The following GRB10 variants were observed in gnomAD, a reference collection of about 807,000 sequenced individuals.
The protein encoded by GRB10 is growth factor receptor bound protein 10, also known as growth factor receptor-bound protein 10.
GRB10 carries 20 observed loss-of-function variants against 80.9 expected under a neutral mutation model. The observed-to-expected ratio is 0.25, with a 90% CI of 0.17 to 0.36. The LOEUF (loss-of-function observed/expected upper bound fraction) is 0.36. GRB10 is among the 10% of genes least tolerant of loss of function. The probability of loss-of-function intolerance (pLI) is 1.00; values close to 1 mark genes in which losing one functional copy is unlikely to be tolerated. For missense variants in GRB10, 548 were observed against 747.7 expected (o/e 0.73, Z 3.12); for synonymous variants, 291 against 291.5 (o/e 1.00, Z 0.02).
intron 4 of GRB10, among the ~76,000 whole-genome samples, chr7:50,731,830 C>G (rs1338797587): frequency 1.3e-5 from 2 of 152,204 alleles, no homozygotes; most frequent in Non-Finnish European, 2.9e-5. Context: ...ACACCAAGCC[C>G]TTTCTCCTTC....
At chr7:50,672,513 C>G (rs758309596) in intron 6 of GRB10, among the ~76,000 whole-genome samples, 1 of 152,126 alleles carries the variant, frequency 6.6e-6, no homozygotes, top group African/African-American at 2.4e-5. Context: ...AACTACTTAT[C>G]TGAGAGGACA....
In GRB10 at chr7:50,739,331, T is replaced by C. The variant is rs190731967; in HGVS notation, c.-46-6963A>G. 3.2e-4 allele frequency among the ~76,000 whole-genome samples: 49 copies of C among 152,372 alleles called. 1 individual carries two copies. Among genetic ancestry groups the C allele is most frequent in the Admixed American group, 3.2e-3 (49 of 15,310 alleles). The stretch of plus-strand genomic sequence containing the variant: ...TGAAACTCTAGAGTCTAGCAGACTG[T>C]AGATGATACTCTTAGGCCCTCACCT... On this transcript the variant is annotated intron_variant, in intron 3 of 18. Coordinates refer to ENST00000401949, the MANE Select transcript of GRB10 (RefSeq NM_001350814.2).
At chr7:50,679,609 C>A (rs190787027) in intron 5 of GRB10, among the ~76,000 whole-genome samples, 122 of 152,312 alleles carry the variant, frequency 8.0e-4, no homozygotes, top group Admixed American at 1.4e-3. Context: ...CATCAGTGTG[C>A]GATGCCTTCA....
chr7:50,685,370 T>G (rs1426274750), intron 5 of GRB10, among the ~76,000 whole-genome samples: 1 of 152,162 alleles, frequency 6.6e-6, no homozygotes, highest in Non-Finnish European at 1.5e-5. Flanking sequence ...AATAATTCCC[T>G]CCACAAAGAA....
intron 4 of GRB10, among the ~76,000 whole-genome samples, chr7:50,705,602 A>C (rs771031437): frequency 6.6e-6 from 1 of 152,246 alleles, no homozygotes; most frequent in Non-Finnish European, 1.5e-5. Context: ...ACTCTATTTG[A>C]GTCACATGGG....
chr7:50,596,370 C>G (rs910931393), intron 17 of GRB10, among the ~76,000 whole-genome samples: 2 of 152,222 alleles, frequency 1.3e-5, no homozygotes, highest in Admixed American at 1.3e-4. Context: ...CACAACATCA[C>G]TTTTCGGGGG....
rs151211049 is a variant in GRB10 at position 50,629,831 on chromosome 7, G to A, written c.505-2853C>T. Among the ~76,000 whole-genome samples the A allele has an allele frequency of 1.7e-3, 256 of 152,254 alleles. 2 individuals carry two copies. The highest frequency in any genetic ancestry group is 6.0e-3 in the African/African-American group (249 of 41,532). On this transcript the variant is annotated intron_variant, in intron 7 of 18. Coordinates refer to ENST00000401949, the MANE Select transcript of GRB10 (RefSeq NM_001350814.2). ...ACTGCTGGGGGCTCAGGTCTCCTGC[G>A]GAGCAGGCCTGGGTTTCCCTGGCCC...
At chr7:50,783,126 CA>C (rs1157681568), upstream of GRB10, among the ~76,000 whole-genome samples, 1 of 152,246 alleles carries the variant, frequency 6.6e-6, no homozygotes, top group Admixed American at 6.5e-5. Flanking sequence ...CATTCGCAGA[CA>C]GGCGGGGGAC....
chr7:50,759,162 C>A (rs534985581), intron 2 of GRB10, among the ~76,000 whole-genome samples: 1 of 145,740 alleles, frequency 6.9e-6, no homozygotes, highest in East Asian at 2.0e-4. Context: ...CAATGCACTC[C>A]AGCCTGGGTG....
rs188826101 is a variant in GRB10, at chr7:50,715,862, A to G, written c.52-11954T>C. On this transcript the variant is annotated intron_variant, in intron 4 of 18. Coordinates refer to ENST00000401949, the MANE Select transcript of GRB10 (RefSeq NM_001350814.2). The stretch of plus-strand genomic sequence containing the variant: ...TTTCATACATTTGACAACAGGCAGC[A>G]TGGGACAGTGATTCCTGAGACATGA... Among the ~76,000 whole-genome samples, 8 of 152,338 alleles carry G rather than the reference A, an allele frequency of 5.3e-5. No homozygotes were observed. The East Asian group carries it at 1.5e-3, about 29-fold the overall frequency.
At chr7:50,710,928 T>G in intron 4 of GRB10, 1 of 1,611,780 alleles carries the variant, frequency 6.2e-7, no homozygotes, top group Non-Finnish European at 8.5e-7. Context: ...TCTCTCCCTC[T>G]CTCTACAGTG....
chr7:50,620,879 T>C (rs2051585554), intron 8 of GRB10, among the ~76,000 whole-genome samples: 1 of 152,182 alleles, frequency 6.6e-6, no homozygotes, highest in South Asian at 2.1e-4. Context: ...CAGAGAAAAA[T>C]GTCTTTCTGT....
intron 7 of GRB10, among the ~76,000 whole-genome samples, chr7:50,664,836 A>C (rs1231657048): frequency 6.6e-6 from 1 of 152,202 alleles, no homozygotes; most frequent in Non-Finnish European, 1.5e-5. Flanking sequence ...TTTTCAAATG[A>C]GTCACAAAGC....
intron 3 of GRB10, among the ~76,000 whole-genome samples, chr7:50,747,161 C>T (rs576712713): frequency 5.3e-4 from 80 of 152,264 alleles, no homozygotes; most frequent in African/African-American, 1.8e-3. Flanking sequence ...TCTTCTCACT[C>T]TCACAGTCAT....
rs146612638 is a variant in GRB10 at position 50,651,048 on chromosome 7, T to G, written c.504+18674A>C. Among the ~76,000 whole-genome samples, 156 of 152,388 alleles carry G rather than the reference T, an allele frequency of 1.0e-3. 1 individual carries two copies. Among genetic ancestry groups the G allele is most frequent in the African/African-American group, 3.7e-3 (152 of 41,596 alleles). On this transcript the variant is annotated intron_variant, in intron 7 of 18. Transcript: ENST00000401949. ...CTTCCACTATGATTTTACCTATTGC[T>G]TTAATAGTTAGGGTTTCATTCCTTA...
At chr7:50,730,214 C>A (rs141984476) in intron 4 of GRB10, among the ~76,000 whole-genome samples, 1 of 152,278 alleles carries the variant, frequency 6.6e-6, no homozygotes, top group African/African-American at 2.4e-5. Flanking sequence ...CTGCTGCCCT[C>A]CAACAGCAGG....
At chr7:50,705,630 A>G (rs2064936862) in intron 4 of GRB10, among the ~76,000 whole-genome samples, 1 of 152,246 alleles carries the variant, frequency 6.6e-6, no homozygotes, top group South Asian at 2.1e-4. Context: ...AATGATCCTG[A>G]TAAACACTGA....
intron 7 of GRB10, among the ~76,000 whole-genome samples, chr7:50,646,199 T>A (rs543491943): frequency 6.6e-6 from 1 of 152,312 alleles, no homozygotes; most frequent in African/African-American, 2.4e-5. Flanking sequence ...CTCAGTAGCG[T>A]CTTTTCCCCT....
Position 50,591,792 on chromosome 7 carries a change from C to A in GRB10, c.*1160G>T, listed in dbSNP as rs533010086. On this transcript the variant is annotated 3_prime_UTR_variant, in exon 19 of 19. Transcript: ENST00000401949. ...TGGCTTATGGGGGTTTTCAGCAGGACGGAGGGCTGCAAGCAAAGATCTTTA... is the reference window on the plus strand; with the variant it reads ...TGGCTTATGGGGGTTTTCAGCAGGAAGGAGGGCTGCAAGCAAAGATCTTTA... 2.6e-5 allele frequency: 4 copies of A among 152,204 alleles called. No individual in the cohort carries two copies. Among genetic ancestry groups the A allele is most frequent in the Admixed American group, 2.6e-4 (4 of 15,280 alleles). The allele number at this position is 152,204 out of a possible 1,614,324, so 9.4% of individuals were successfully genotyped here.
Sources: gnomAD v4.1 joint callset for allele counts (sites outside exome capture counted in the v4.1 genomes callset) on GRCh38, gnomAD v4.1.1 for gene constraint, MANE v1.5 for transcripts, NCBI Gene and HGNC (gene_info 2026-07-23, HGNC 2026-07-21) for gene names.